The following AGBL4 variants were observed in gnomAD, a reference collection of about 807,000 sequenced individuals.
The protein encoded by AGBL4 is AGBL carboxypeptidase 4.
In AGBL4, 58 loss-of-function variants were observed where a neutral mutation model predicts 66.4. That is an observed-to-expected ratio of 0.87 (90% CI 0.71 to 1.09). The LOEUF (loss-of-function observed/expected upper bound fraction) is 1.09. AGBL4 is among the 50% of genes least tolerant of loss of function. The pLI is 0.00. For synonymous variants in AGBL4, 234 were observed against 222.9 expected, an observed-to-expected ratio of 1.05 and a Z score of -0.44; for missense variants, 579 against 631.0, an observed-to-expected ratio of 0.92 and a Z score of 0.88.
intron 6 of AGBL4, among the ~76,000 whole-genome samples, chr1:48,808,527 G>C (rs997689635): frequency 2.6e-5 from 4 of 152,178 alleles, no homozygotes; most frequent in African/African-American, 9.7e-5. Context: ...AGAGTCCCAA[G>C]GGAAAGGAGG....
chr1:49,380,633 G>T (rs1386052395), intron 3 of AGBL4, among the ~76,000 whole-genome samples: 1 of 152,080 alleles, frequency 6.6e-6, no homozygotes, highest in Non-Finnish European at 1.5e-5. Context: ...CATGGTACTG[G>T]TACCAAAACA....
At chr1:48,623,355 T>TCC (rs1330420555) in intron 9 of AGBL4, among the ~76,000 whole-genome samples, 1 of 152,228 alleles carries the variant, frequency 6.6e-6, no homozygotes. Flanking sequence ...TGATAAGGCT[T>TCC]CCCACAGTCA....
chr1:49,132,817 G>A (rs2148072427), intron 4 of AGBL4, among the ~76,000 whole-genome samples: 1 of 152,268 alleles, frequency 6.6e-6, no homozygotes, highest in South Asian at 2.1e-4. Flanking sequence ...CAACCATTGT[G>A]GAAGACAGTG....
At chr1:49,383,872 T>C (rs1012969285) in intron 3 of AGBL4, among the ~76,000 whole-genome samples, 1 of 151,936 alleles carries the variant, frequency 6.6e-6, no homozygotes, top group African/African-American at 2.4e-5. Context: ...TCTTGGCTCA[T>C]TGCGACCGCC....
At chr1:48,681,184 A>C (rs1265086222) in intron 6 of AGBL4, among the ~76,000 whole-genome samples, 1 of 152,108 alleles carries the variant, frequency 6.6e-6, no homozygotes, top group African/African-American at 2.4e-5. Context: ...CCCTTCTCCA[A>C]ACTTTCATTT....
At chr1:49,918,472 A>T (rs1651822525) in intron 1 of AGBL4, among the ~76,000 whole-genome samples, 1 of 152,168 alleles carries the variant, frequency 6.6e-6, no homozygotes, top group Admixed American at 6.5e-5. Flanking sequence ...ACGCAAATAA[A>T]CTAGAAAATC....
chr1:49,754,830 C>G (rs1308396269), intron 2 of AGBL4, among the ~76,000 whole-genome samples: 1 of 152,322 alleles, frequency 6.6e-6, no homozygotes, highest in East Asian at 1.9e-4. Flanking sequence ...TCATGGAGGA[C>G]AGCAAATCCA....
intron 3 of AGBL4, among the ~76,000 whole-genome samples, chr1:49,474,722 T>G (rs986058539): frequency 6.6e-6 from 1 of 152,006 alleles, no homozygotes; most frequent in Admixed American, 6.6e-5. Context: ...TTTATAGGTA[T>G]AAAAAAGGTA....
At chr1:50,022,890 T>C (rs1662555760) in intron 1 of AGBL4, among the ~76,000 whole-genome samples, 1 of 152,158 alleles carries the variant, frequency 6.6e-6, no homozygotes, top group African/African-American at 2.4e-5. Flanking sequence ...AAACCTTTGC[T>C]TTCTTCTATG....
chr1:50,019,028 T>G (rs1662210057), intron 1 of AGBL4, among the ~76,000 whole-genome samples: 1 of 152,152 alleles, frequency 6.6e-6, no homozygotes, highest in African/African-American at 2.4e-5. Context: ...TTTATAATTT[T>G]TATTCACTTA....
At position 48,873,884 on chromosome 1, in the gene AGBL4, G is replaced by A. The variant is rs573467809; in HGVS notation, c.595-6654C>T. On this transcript the variant is annotated intron_variant, in intron 5 of 13. Transcript: ENST00000371839. ...AAAATTCACTTTTCGTTTTGGTCAC[G>A]ACTGCATTGCAATTACCTCCCAGAA... Among the ~76,000 whole-genome samples the A allele has an allele frequency of 4.6e-5, 7 of 152,192 alleles. No individual in the cohort carries two copies. In the East Asian group the frequency reaches 1.2e-3, roughly 25 times the overall value.
Position 48,610,142 on chromosome 1 carries a change from C to T in AGBL4, c.952-19157G>A, listed in dbSNP as rs183685912. On this transcript the variant is annotated intron_variant, in intron 9 of 13. Transcript: ENST00000371839. Reference sequence around the variant, plus strand: ...AAAACAATAAAAAATAAAAAGAGCACGTGCCTAGTGGAGAAGCTGCTGCTG... The same window carrying T: ...AAAACAATAAAAAATAAAAAGAGCATGTGCCTAGTGGAGAAGCTGCTGCTG... 7.2e-5 allele frequency among the ~76,000 whole-genome samples: 11 copies of T among 152,324 alleles called. No homozygotes were observed. In the East Asian group the frequency reaches 1.2e-3, roughly 16 times the overall value.
rs560096819 is a variant in AGBL4, at chr1:49,515,680, C to T, written c.282+181633G>A. On this transcript the variant is annotated intron_variant, in intron 3 of 13. Transcript: ENST00000371839. The stretch of plus-strand genomic sequence containing the variant: ...TAGACTGGATTAAGAAAATGTGGCA[C>T]ATATACACCATGGAATACTATGCAG... Among the ~76,000 whole-genome samples the T allele has an allele frequency of 3.4e-3, 512 of 151,732 alleles. 1 individual carries two copies. Among genetic ancestry groups the T allele is most frequent in the African/African-American group, 0.012 (482 of 41,398 alleles).
intron 9 of AGBL4, among the ~76,000 whole-genome samples, chr1:48,608,796 C>A (rs11811953): frequency 0.15 from 22,891 of 151,848 alleles, 1,924 homozygotes; most frequent in African/African-American, 0.21. Flanking sequence ...TGATATCCAG[C>A]CTAGAGTCAG....
intron 4 of AGBL4, among the ~76,000 whole-genome samples, chr1:49,174,018 T>C (rs956802053): frequency 6.6e-5 from 10 of 152,054 alleles, no homozygotes; most frequent in Non-Finnish European, 1.2e-4. Context: ...TTTAGTGAAA[T>C]GATGGGATAA....
At position 49,153,996 on chromosome 1, in the gene AGBL4, G is replaced by A. The variant is rs75858901; in HGVS notation, c.377+91774C>T. On this transcript the variant is annotated intron_variant, in intron 4 of 13. Transcript: ENST00000371839. ...GGTAATTCAAGATAATACTGCTAGC[G>A]AGAGAAGACATAAAAATCAAGCCCA... 4.0e-4 allele frequency among the ~76,000 whole-genome samples: 61 copies of A among 152,128 alleles called. 1 individual carries two copies. In the East Asian group the frequency reaches 9.9e-3, roughly 25 times the overall value.
chr1:49,384,331 T>A (rs931585953), intron 3 of AGBL4, among the ~76,000 whole-genome samples: 2 of 152,040 alleles, frequency 1.3e-5, no homozygotes, highest in South Asian at 2.1e-4. Context: ...CGGTGGCTCA[T>A]GCCTGTAATC....
At chr1:49,417,937 A>G (rs1645463901) in intron 3 of AGBL4, among the ~76,000 whole-genome samples, 1 of 152,210 alleles carries the variant, frequency 6.6e-6, no homozygotes, top group Admixed American at 6.5e-5. Context: ...GGTCCACAGT[A>G]GAAAGGAGAC....
chr1:49,755,944 C>T (rs919628429), intron 2 of AGBL4, among the ~76,000 whole-genome samples: 2 of 152,172 alleles, frequency 1.3e-5, no homozygotes, highest in Admixed American at 6.5e-5. Flanking sequence ...TGTTATCTGG[C>T]TCCTTTATTT....
Sources: allele counts gnomAD v4.1 joint callset (sites outside exome capture counted in the v4.1 genomes callset), GRCh38; gene constraint gnomAD v4.1.1; transcripts MANE v1.5; gene names NCBI Gene and HGNC (gene_info 2026-07-23, HGNC 2026-07-21).